The following TRPC4AP variants were observed in gnomAD, a reference collection of about 807,000 sequenced individuals.
TRPC4AP encodes short transient receptor potential channel 4-associated protein.
TRPC4AP carries 45 observed loss-of-function variants against 99.0 expected under a neutral mutation model. That is an observed-to-expected ratio of 0.45 (90% CI 0.36 to 0.58). The LOEUF is 0.58. TRPC4AP is among the 20% of genes least tolerant of loss of function. TRPC4AP has a pLI of 0.00. For missense variants in TRPC4AP, 879 were observed against 985.3 expected, an observed-to-expected ratio of 0.89 and a Z score of 1.44; for synonymous variants, 408 against 385.8, an observed-to-expected ratio of 1.06 and a Z score of -0.67.
rs2084190465 is a variant in TRPC4AP at position 35,068,025 on chromosome 20, A to G, written c.414+1271T>C. Among the ~76,000 whole-genome samples, 8 of 152,234 alleles carry G rather than the reference A, an allele frequency of 5.3e-5. No homozygotes were observed. In the South Asian group the frequency reaches 1.4e-3, roughly 28 times the overall value. Reference sequence around the variant, plus strand: ...TGTATGGTATATGAACCATATCTTAATAAAGCTGATTAAAAAAAACTATGG... The same window carrying G: ...TGTATGGTATATGAACCATATCTTAGTAAAGCTGATTAAAAAAAACTATGG... On this transcript the variant is annotated intron_variant, in intron 3 of 18. Coordinates refer to ENST00000252015, the MANE Select transcript of TRPC4AP (RefSeq NM_015638.3).
In TRPC4AP at chr20:35,016,106, G is replaced by A; in HGVS notation, c.1252C>T (p.Pro418Ser). ...TTGTCAAACAAATTATTAAGTCCAGGGATCAGCTTGAACTCTGCAATCATT... is the reference window on the plus strand; with the variant it reads ...TTGTCAAACAAATTATTAAGTCCAGAGATCAGCTTGAACTCTGCAATCATT... ...HRMIAEFKLI[P>S]GLNNLFDKLI... The change falls in exon 10 of 19, where the codon CCT becomes TCT. Residue 418 changes from proline (P) to serine (S), a missense_variant. Coordinates refer to ENST00000252015, the MANE Select transcript of TRPC4AP (RefSeq NM_015638.3). 6.2e-7 allele frequency: 1 copy of A among 1,614,114 alleles called. No individual in the cohort carries two copies. Among genetic ancestry groups the A allele is most frequent in the Non-Finnish European group, 8.5e-7 (1 of 1,180,022 alleles).
rs2082427273 is a variant in TRPC4AP, at chr20:35,003,071, A to C, written c.*75T>G. 2 of 1,579,150 alleles carry C rather than the reference A, an allele frequency of 1.3e-6. No individual in the cohort carries two copies. Among genetic ancestry groups the C allele is most frequent in the Admixed American group, 1.7e-5 (1 of 58,550 alleles). ...CAGAGAGCAGCAGGGAGGAACGGGA[A>C]CAGGGCAGGGCGTGTGGCATCGTAC... On this transcript the variant is annotated 3_prime_UTR_variant, in exon 19 of 19. Coordinates refer to ENST00000252015, the MANE Select transcript of TRPC4AP (RefSeq NM_015638.3).
intron 3 of TRPC4AP, among the ~76,000 whole-genome samples, chr20:35,067,505 G>C (rs2180850): frequency 0.73 from 110,440 of 152,002 alleles, 40,456 homozygotes; most frequent in Middle Eastern, 0.83. Flanking sequence ...CCCAGCAACT[G>C]TATTCCTAGG....
At chr20:35,068,907 C>G (rs6058166) in intron 3 of TRPC4AP, among the ~76,000 whole-genome samples, 86,941 of 147,138 alleles carry the variant, frequency 0.59, 26,562 homozygotes, top group Middle Eastern at 0.74. Flanking sequence ...ACTCTATGTG[C>G]GGAGAAAATA....
intron 2 of TRPC4AP, among the ~76,000 whole-genome samples, chr20:35,075,807 CT>C: frequency 6.6e-6 from 1 of 152,284 alleles, no homozygotes; most frequent in African/African-American, 2.4e-5. Context: ...GTTGACCTGC[CT>C]TGCTAGATTG....
intron 3 of TRPC4AP, among the ~76,000 whole-genome samples, chr20:35,068,437 TTGTC>T (rs1186313033): frequency 5.9e-5 from 9 of 152,196 alleles, no homozygotes; most frequent in African/African-American, 7.2e-5. Flanking sequence ...TACTGCAACC[TTGTC>T]TGTAAGAGAA....
At position 35,004,546 on chromosome 20, in the gene TRPC4AP, C is replaced by A; in HGVS notation, c.1961G>T (p.Arg654Leu). 1.2e-6 allele frequency: 2 copies of A among 1,613,920 alleles called. No homozygotes were observed. Among genetic ancestry groups the A allele is most frequent in the Non-Finnish European group, 1.7e-6 (2 of 1,179,908 alleles). The change falls in exon 17 of 19, where the codon CGC (arginine) becomes CTC (leucine). Residue 654 changes from arginine to leucine, a missense_variant. Physicochemically the swap from Arg to Leu is moderately radical, Grantham distance 102. Around this residue, in one of 3 missense-constraint regions of TRPC4AP, gnomAD observed 224 missense variants for 264.7 expected, o/e 0.85. Transcript: ENST00000252015. ...CACCTGGGATATGTAGGCGAGCAGG[C>A]GGCATTCAGACAGTACCTCGGCAAC... ...MKVAEVLSEC[R>L]LLAYISQVPT...
At chr20:35,084,468 ATGTATATATG>A (rs1488812954) in intron 1 of TRPC4AP, among the ~76,000 whole-genome samples, 8 of 133,478 alleles carry the variant, frequency 6.0e-5, no homozygotes, top group South Asian at 2.3e-4. Flanking sequence ...GTGTGTATAT[ATGTATATATG>A]TGTATATATG....
intron 7 of TRPC4AP, among the ~76,000 whole-genome samples, chr20:35,043,891 C>T (rs893178686): frequency 1.3e-5 from 2 of 152,126 alleles, no homozygotes; most frequent in Admixed American, 6.5e-5. Flanking sequence ...ACATCATTAT[C>T]TATAAAATGA....
At chr20:35,035,345 T>C in intron 7 of TRPC4AP, 37 bp from the exon 8 acceptor site, 1 of 1,598,576 alleles carries the variant, frequency 6.3e-7, no homozygotes, top group East Asian at 2.2e-5. Flanking sequence ...ATTTTCAAAA[T>C]AGAGACCAGC....
chr20:35,066,239 G>A (rs936212134), intron 3 of TRPC4AP, among the ~76,000 whole-genome samples: 1 of 151,878 alleles, frequency 6.6e-6, no homozygotes, highest in Non-Finnish European at 1.5e-5. Flanking sequence ...CAAGCAACTG[G>A]GACTGCAGGC....
chr20:35,035,391 T>C (rs565335807), intron 7 of TRPC4AP, 83 bp from the exon 8 acceptor site: 3 of 1,380,544 alleles, frequency 2.2e-6, no homozygotes, highest in Admixed American at 4.5e-5. Flanking sequence ...ACAATCTGCA[T>C]GATAGGAATA....
intron 5 of TRPC4AP, among the ~76,000 whole-genome samples, chr20:35,054,192 T>TC (rs1488369564): frequency 6.6e-6 from 1 of 151,412 alleles, no homozygotes; most frequent in Admixed American, 6.6e-5. Context: ...GCTAAATGTT[T>TC]TTTTTTTTTT....
At chr20:35,064,749 G>A (rs1569136408) in intron 3 of TRPC4AP, among the ~76,000 whole-genome samples, 2 of 152,132 alleles carry the variant, frequency 1.3e-5, no homozygotes. Flanking sequence ...AAAAGGTGAA[G>A]TAATTATTAT....
chr20:35,077,896 G>T, intron 2 of TRPC4AP, 150 bp downstream of exon 2: 1 of 822,718 alleles, frequency 1.2e-6, no homozygotes, highest in Non-Finnish European at 1.9e-6. Flanking sequence ...TTTCTTCTTT[G>T]TACTTTTTCT....
At chr20:35,022,231 C>G (rs1169102311) in intron 8 of TRPC4AP, among the ~76,000 whole-genome samples, 1 of 152,238 alleles carries the variant, frequency 6.6e-6, no homozygotes, top group Non-Finnish European at 1.5e-5. Flanking sequence ...CCTTGGCTCA[C>G]TGCAACTTCC....
At position 35,010,132 on chromosome 20, in the gene TRPC4AP, G is replaced by A. The variant is rs1323649655; in HGVS notation, c.1511+55C>T. 63 of 1,511,224 alleles carry A rather than the reference G, an allele frequency of 4.2e-5. No homozygotes were observed. The South Asian group carries it at 4.9e-4, about 12-fold the overall frequency. 93.6% of individuals were successfully genotyped at this position (1,511,224 alleles called of 1,614,324 possible). On this transcript the variant is annotated intron_variant, in intron 12 of 18. Coordinates refer to ENST00000252015, the MANE Select transcript of TRPC4AP (RefSeq NM_015638.3). ...TGGATGTGCTCACCGGTGAGCCCCCGGGGAACGTGGGCAGCCGGGATGGGC... is the reference window on the plus strand; with the variant it reads ...TGGATGTGCTCACCGGTGAGCCCCCAGGGAACGTGGGCAGCCGGGATGGGC...
At chr20:35,058,676 A>G (rs1409410552) in intron 3 of TRPC4AP, among the ~76,000 whole-genome samples, 1 of 146,258 alleles carries the variant, frequency 6.8e-6, no homozygotes, top group Non-Finnish European at 1.5e-5. Flanking sequence ...TGCCTATATT[A>G]AAAGAAAATT....
At chr20:35,070,418 T>C (rs2084276439) in intron 2 of TRPC4AP, among the ~76,000 whole-genome samples, 1 of 151,656 alleles carries the variant, frequency 6.6e-6, no homozygotes, top group Non-Finnish European at 1.5e-5. Flanking sequence ...ACCATTTCTT[T>C]TTTTTTTTTT....
Sources: gnomAD v4.1 joint callset for allele counts (sites outside exome capture counted in the v4.1 genomes callset) on GRCh38, gnomAD v4.1.1 for gene constraint, gnomAD v4.1.1 regional missense constraint, MANE v1.5 for transcripts, NCBI Gene and HGNC (gene_info 2026-07-23, HGNC 2026-07-21) for gene names.